Variants in ZBTB44 observed in about 807,000 individuals in gnomAD.
The protein encoded by ZBTB44 is zinc finger and BTB domain containing 44, also known as zinc finger and BTB domain-containing protein 44.
Under a neutral mutation model 54.0 loss-of-function variants are expected in ZBTB44, and 15 were observed. That is an observed-to-expected ratio of 0.28 (90% CI 0.19 to 0.43). ZBTB44 has a LOEUF of 0.43. Ranked by LOEUF, ZBTB44 falls within the 20% of genes least tolerant of loss-of-function variation. ZBTB44 has a pLI of 1.00. For synonymous variants in ZBTB44, 230 were observed against 250.1 expected (o/e 0.92, Z 0.76); for missense variants, 487 against 707.1 (o/e 0.69, Z 3.53).
chr11:130,281,894 C>T (rs751317402), intron 1 of ZBTB44, among the ~76,000 whole-genome samples: 5 of 152,132 alleles, frequency 3.3e-5, no homozygotes, highest in Admixed American at 1.3e-4. Context: ...CGTGAGCCAC[C>T]GCGCCCGGCC....
intron 1 of ZBTB44, among the ~76,000 whole-genome samples, chr11:130,267,821 T>C (rs909004637): frequency 6.6e-6 from 1 of 151,868 alleles, no homozygotes; most frequent in Non-Finnish European, 1.5e-5. Flanking sequence ...CCCAGCACTT[T>C]GGCACTTTGG....
chr11:130,261,735 C>A lies in ZBTB44; in HGVS notation c.139G>T (p.Val47Leu). 6.2e-7 allele frequency: 1 copy of A among 1,614,018 alleles called. No individual in the cohort carries two copies. The highest frequency in any genetic ancestry group is 8.5e-7 in the Non-Finnish European group (1 of 1,179,900). ...AAATCACTGCAAGCTGCTAGTACCA[C>A]CTTATGTGCCCGGAAGATTTTGTCC... ...VQDKIFRAHK[V>L]VLAACSDFFR... The change falls in exon 2 of 8, where the codon GTG (valine) becomes TTG (leucine). Residue 47 changes from valine to leucine, a missense_variant. Physicochemically the swap from Val to Leu is conservative, Grantham distance 32. Coordinates refer to ENST00000357899, the MANE Select transcript of ZBTB44 (RefSeq NM_001301098.2). The surrounding 1 kb of genome is among the most constrained non-coding windows in gnomAD (Gnocchi z 4.8).
intron 2 of ZBTB44, among the ~76,000 whole-genome samples, chr11:130,251,250 A>G (rs1937976694): frequency 9.6e-6 from 1 of 103,984 alleles, no homozygotes; most frequent in Admixed American, 1.2e-4. Flanking sequence ...AGAGAAAAAA[A>G]GATTGAAAAG....
At chr11:130,236,220 TA>T (rs1442076850) in intron 5 of ZBTB44, 1 of 1,283,208 alleles carries the variant, frequency 7.8e-7, no homozygotes, top group Non-Finnish European at 1.0e-6. Context: ...GGATGCCCTA[TA>T]AATCAGAAAG....
At chr11:130,293,628 A>G (rs1407835908) in intron 1 of ZBTB44, among the ~76,000 whole-genome samples, 1 of 151,106 alleles carries the variant, frequency 6.6e-6, no homozygotes, top group Non-Finnish European at 1.5e-5. Context: ...TAAAGAAAAA[A>G]AAAAAAAAAA....
chr11:130,283,860 C>T lies in ZBTB44; in HGVS notation c.-56-21931G>A, dbSNP rs568494954. Among the ~76,000 whole-genome samples, 4 of 151,268 alleles carry T rather than the reference C, an allele frequency of 2.6e-5. No homozygotes were observed. The East Asian group carries it at 5.9e-4, about 22-fold the overall frequency. On this transcript the variant is annotated intron_variant, in intron 1 of 7. Coordinates refer to ENST00000357899, the MANE Select transcript of ZBTB44 (RefSeq NM_001301098.2). ...TGGCAGGTGCCTGCAGTCCCAGCTACTCAGGAGGCTGAGGCAGGAGAATCT... is the reference window on the plus strand; with the variant it reads ...TGGCAGGTGCCTGCAGTCCCAGCTATTCAGGAGGCTGAGGCAGGAGAATCT...
intron 7 of ZBTB44, 146 bp from the exon 8 acceptor site, chr11:130,231,861 G>A (rs1353303580): frequency 1.3e-5 from 2 of 152,124 alleles, no homozygotes; most frequent in African/African-American, 4.8e-5. Flanking sequence ...CTTTCCAGTT[G>A]AGACACAGCA....
At chr11:130,310,899 G>A (rs1034736869) in intron 1 of ZBTB44, among the ~76,000 whole-genome samples, 3 of 152,060 alleles carry the variant, frequency 2.0e-5, no homozygotes, top group Non-Finnish European at 4.4e-5. Context: ...ACCATGCCCG[G>A]CTAATCCAAG....
intron 1 of ZBTB44, among the ~76,000 whole-genome samples, chr11:130,298,926 T>TA (rs1219354809): frequency 6.6e-6 from 1 of 151,306 alleles, no homozygotes; most frequent in East Asian, 1.9e-4. Context: ...CTACAAAAAA[T>TA]ACAAAAATTA....
chr11:130,292,161 T>C (rs1352729979), intron 1 of ZBTB44, among the ~76,000 whole-genome samples: 1 of 152,226 alleles, frequency 6.6e-6, no homozygotes, highest in African/African-American at 2.4e-5. Flanking sequence ...TGTTTATCAT[T>C]TAATTGTTGA....
intron 1 of ZBTB44, among the ~76,000 whole-genome samples, chr11:130,295,349 T>C (rs997629720): frequency 6.6e-6 from 1 of 152,098 alleles, no homozygotes; most frequent in African/African-American, 2.4e-5. Context: ...ATCCACCGTA[T>C]TAACCAATGG....
At chr11:130,276,232 C>CAAAAAAAAAAGA (rs1940066361) in intron 1 of ZBTB44, among the ~76,000 whole-genome samples, 1 of 31,736 alleles carries the variant, frequency 3.2e-5, no homozygotes, top group African/African-American at 9.8e-5. Flanking sequence ...AACTCTGTCT[C>CAAAAAAAAAAGA]AAAAAAAAAA....
At chr11:130,249,893 A>G (rs958058529) in intron 2 of ZBTB44, among the ~76,000 whole-genome samples, 5 of 152,176 alleles carry the variant, frequency 3.3e-5, no homozygotes, top group Non-Finnish European at 7.4e-5. Flanking sequence ...CTGGAACCAC[A>G]GTGAGACAGA....
In ZBTB44 at chr11:130,261,439, T is replaced by C. The variant is rs575248326; in HGVS notation, c.435A>G (p.Gln145=). 1.9e-6 allele frequency: 3 copies of C among 1,614,046 alleles called. No individual in the cohort carries two copies. In the African/African-American group the frequency reaches 4.0e-5, roughly 22 times the overall value. ...TAAAATTGCAGTTAGAATTATTTTCTTGTCCAGCATCTAGACCCTTTTCAG... is the reference window on the plus strand; with the variant it reads ...TAAAATTGCAGTTAGAATTATTTTCCTGTCCAGCATCTAGACCCTTTTCAG... ...SQPEKGLDAG[Q]ENNSNCNFTS... The change falls in exon 2 of 8, where the codon CAA becomes CAG. Residue 145 remains glutamine, a synonymous_variant. Transcript: ENST00000357899. This position sits in a 1 kb window ranked among gnomAD's most constrained non-coding sequence, Gnocchi z 4.8.
rs1953731437 is a variant in ZBTB44, at chr11:130,227,412, C to A, written c.*4352G>T. 2.6e-5 allele frequency: 4 copies of A among 152,160 alleles called. No homozygotes were observed. Among genetic ancestry groups the A allele is most frequent in the Admixed American group, 2.6e-4 (4 of 15,272 alleles). 9.4% of individuals were successfully genotyped at this position (152,160 alleles called of 1,614,324 possible). The stretch of plus-strand genomic sequence containing the variant: ...GAAAGGGGTAGAAGACATAAAAACA[C>A]CCATCTATGTAATTTAATTCACATT... On this transcript the variant is annotated 3_prime_UTR_variant, in exon 8 of 8. Coordinates refer to ENST00000357899, the MANE Select transcript of ZBTB44 (RefSeq NM_001301098.2).
intron 1 of ZBTB44, among the ~76,000 whole-genome samples, chr11:130,276,851 A>AT (rs779745942): frequency 8.5e-5 from 13 of 152,214 alleles, no homozygotes; most frequent in Non-Finnish European, 1.6e-4. Flanking sequence ...TATATGCAAC[A>AT]TAACTGTTAC....
intron 1 of ZBTB44, among the ~76,000 whole-genome samples, chr11:130,264,201 T>TTCTAGTTA (rs1939084129): frequency 6.6e-6 from 1 of 152,246 alleles, no homozygotes. Context: ...GTTAAGTGTT[T>TTCTAGTTA]AGAATAGTAA....
In ZBTB44 at chr11:130,230,405, A is replaced by T. The variant is rs1039383362; in HGVS notation, c.*1359T>A. On this transcript the variant is annotated 3_prime_UTR_variant, in exon 8 of 8. Coordinates refer to ENST00000357899, the MANE Select transcript of ZBTB44 (RefSeq NM_001301098.2). ...TTTCATTTGGCAAAGTATTTTAACA[A>T]GATGAAAGTTTTTTTTTTTTTTTTT... 72 of 139,910 alleles carry T rather than the reference A, an allele frequency of 5.1e-4. No individual in the cohort carries two copies. Among genetic ancestry groups the T allele is most frequent in the African/African-American group, 1.7e-3 (67 of 38,944 alleles). The allele number at this position is 139,910 out of a possible 1,614,324, so 8.7% of individuals were successfully genotyped here.
chr11:130,308,661 T>G (rs1942408431), intron 1 of ZBTB44, among the ~76,000 whole-genome samples: 1 of 152,216 alleles, frequency 6.6e-6, no homozygotes, highest in Non-Finnish European at 1.5e-5. Flanking sequence ...ACACAACAGG[T>G]TCTAGCTGCT....
Sources: allele counts gnomAD v4.1 joint callset (sites outside exome capture counted in the v4.1 genomes callset), GRCh38; gene constraint gnomAD v4.1.1; non-coding constraint Gnocchi (gnomAD v3.1); transcripts MANE v1.5; gene names NCBI Gene and HGNC (gene_info 2026-07-23, HGNC 2026-07-21).